The following MRTFA variants were observed in gnomAD, a reference collection of about 807,000 sequenced individuals.
MRTFA encodes myocardin related transcription factor A.
In MRTFA, 20 loss-of-function variants were observed where a neutral mutation model predicts 83.5. The observed-to-expected ratio is 0.24, with a 90% CI of 0.17 to 0.35. The LOEUF (loss-of-function observed/expected upper bound fraction) is 0.35, where lower values mean the gene tolerates loss of function less well. Among genes scored for constraint, MRTFA ranks in the 10% least tolerant of loss-of-function variants. The probability of loss-of-function intolerance (pLI) is 1.00; values close to 1 mark genes in which losing one functional copy is unlikely to be tolerated. For synonymous variants in MRTFA, 659 were observed against 541.2 expected (o/e 1.22, Z -3.02); for missense variants, 1,200 against 1,224.7 (o/e 0.98, Z 0.30).
At chr22:40,452,701 C>T (rs1245704698) in intron 4 of MRTFA, among the ~76,000 whole-genome samples, 3 of 151,206 alleles carry the variant, frequency 2.0e-5, no homozygotes, top group East Asian at 3.9e-4. Flanking sequence ...ATCCCAGCTA[C>T]CTAGGAGGCC....
intron 3 of MRTFA, chr22:40,463,513 A>G (rs1006387234): frequency 5.7e-5 from 27 of 472,874 alleles, no homozygotes; most frequent in East Asian, 1.7e-4. Context: ...TTGCAGGGCG[A>G]TAACAATCCA....
chr22:40,546,544 A>G (rs923632921), intron 3 of MRTFA, among the ~76,000 whole-genome samples: 1 of 152,244 alleles, frequency 6.6e-6, no homozygotes, highest in African/African-American at 2.4e-5. Context: ...AAAGAACACA[A>G]ATTACTGTGG....
chr22:40,508,022 A>G (rs1426836769), intron 3 of MRTFA, among the ~76,000 whole-genome samples: 1 of 150,798 alleles, frequency 6.6e-6, no homozygotes, highest in Non-Finnish European at 1.5e-5. Context: ...TATATAAAGT[A>G]CGTAGAACAG....
intron 4 of MRTFA, among the ~76,000 whole-genome samples, chr22:40,449,818 A>G (rs908114658): frequency 6.6e-6 from 1 of 152,230 alleles, no homozygotes; most frequent in African/African-American, 2.4e-5. Flanking sequence ...TGGGAGTCAG[A>G]GAATCTGGGC....
chr22:40,622,261 C>T (rs2056532226), intron 1 of MRTFA, among the ~76,000 whole-genome samples: 1 of 152,012 alleles, frequency 6.6e-6, no homozygotes, highest in South Asian at 2.1e-4. Context: ...GCAGGTAGAT[C>T]ACGAGGTCAG....
chr22:40,491,279 T>C (rs1004551543), intron 3 of MRTFA, among the ~76,000 whole-genome samples: 2 of 151,828 alleles, frequency 1.3e-5, no homozygotes, highest in African/African-American at 2.4e-5. Flanking sequence ...GAGGTGGAGG[T>C]TGCAGTGAGC....
chr22:40,513,980 G>A lies in MRTFA; in HGVS notation c.241+38126C>T, dbSNP rs111708560. 7.9e-3 allele frequency among the ~76,000 whole-genome samples: 1,202 copies of A among 151,854 alleles called. 26 individuals are homozygous for A. Among genetic ancestry groups the A allele is most frequent in the Middle Eastern group, 0.075 (22 of 292 alleles). ...TTTAAGTTAAAAAGAGGCCGGGCACGGTGGCTCACACCTGTAATCCCAACA... is the reference window on the plus strand; with the variant it reads ...TTTAAGTTAAAAAGAGGCCGGGCACAGTGGCTCACACCTGTAATCCCAACA... On this transcript the variant is annotated intron_variant, in intron 3 of 14. Coordinates refer to ENST00000355630, the MANE Select transcript of MRTFA (RefSeq NM_020831.6).
intron 2 of MRTFA, among the ~76,000 whole-genome samples, chr22:40,589,016 G>C (rs1316035145): frequency 6.6e-6 from 1 of 152,276 alleles, no homozygotes; most frequent in Non-Finnish European, 1.5e-5. Flanking sequence ...GTCTGAGGTA[G>C]AAATAATATT....
At chr22:40,536,128 CAAA>C (rs766454976) in intron 3 of MRTFA, among the ~76,000 whole-genome samples, 1 of 113,914 alleles carries the variant, frequency 8.8e-6, no homozygotes, top group African/African-American at 3.3e-5. Context: ...CCATCTCTAC[CAAA>C]AAAAAAAAAA....
chr22:40,610,983 G>C (rs1244541708), intron 1 of MRTFA, among the ~76,000 whole-genome samples: 1 of 147,358 alleles, frequency 6.8e-6, no homozygotes, highest in Non-Finnish European at 1.5e-5. Context: ...TGTTGTCCAG[G>C]CTGGCAGGCA....
Position 40,545,741 on chromosome 22 carries a change from C to CT in MRTFA, c.241+6364dup, listed in dbSNP as rs112149749. Among the ~76,000 whole-genome samples, 1,142 of 125,216 alleles carry CT rather than the reference C, an allele frequency of 9.1e-3. 27 individuals carry two copies. The Middle Eastern group carries it at 0.14, about 15-fold the overall frequency. 82.1% of individuals were successfully genotyped at this position (125,216 alleles called of 152,430 possible). On this transcript the variant is annotated intron_variant, in intron 3 of 14. Coordinates refer to ENST00000355630, the MANE Select transcript of MRTFA (RefSeq NM_020831.6). ...AGCCACCACGCCCGGCCATTTTTTT[C>CT]TTTTTTTTTGACATGGAGTCTTGCT...
chr22:40,527,949 T>C (rs1415311835), intron 3 of MRTFA, among the ~76,000 whole-genome samples: 1 of 151,856 alleles, frequency 6.6e-6, no homozygotes, highest in Non-Finnish European at 1.5e-5. Context: ...GACTGACAAA[T>C]GAATTCAAAT....
intron 4 of MRTFA, among the ~76,000 whole-genome samples, chr22:40,458,044 C>G (rs1447759194): frequency 6.6e-6 from 1 of 152,166 alleles, no homozygotes; most frequent in Non-Finnish European, 1.5e-5. Context: ...GCTTTGAGAA[C>G]AAAGTGTACC....
intron 3 of MRTFA, among the ~76,000 whole-genome samples, chr22:40,550,057 A>G (rs1019961932): frequency 1.3e-5 from 2 of 150,340 alleles, no homozygotes; most frequent in African/African-American, 4.9e-5. Context: ...GCAAAAAAAA[A>G]AAAAAAAAAA....
chr22:40,626,165 T>C lies in MRTFA; in HGVS notation c.-84+10313A>G, dbSNP rs187943336. 8.5e-4 allele frequency among the ~76,000 whole-genome samples: 129 copies of C among 152,198 alleles called. No individual in the cohort carries two copies. In the East Asian group the frequency reaches 0.023, roughly 27 times the overall value. On this transcript the variant is annotated intron_variant, in intron 1 of 14. Coordinates refer to ENST00000355630, the MANE Select transcript of MRTFA (RefSeq NM_020831.6). ...CACCCGGCTGATTTTTTTGTATTTTTAGTAGAGATGGGGTTTCGCCATCTT... is the reference window on the plus strand; with the variant it reads ...CACCCGGCTGATTTTTTTGTATTTTCAGTAGAGATGGGGTTTCGCCATCTT...
intron 3 of MRTFA, among the ~76,000 whole-genome samples, chr22:40,482,980 A>T (rs2054115797): frequency 6.6e-6 from 1 of 152,100 alleles, no homozygotes; most frequent in African/African-American, 2.4e-5. Flanking sequence ...GTGTGCCTGT[A>T]GTGTATGCCT....
At chr22:40,481,886 C>T (rs2054098281) in intron 3 of MRTFA, among the ~76,000 whole-genome samples, 1 of 152,012 alleles carries the variant, frequency 6.6e-6, no homozygotes, top group Admixed American at 6.6e-5. Context: ...CGGTGAAACC[C>T]CGTCTCTACT....
chr22:40,515,053 C>G (rs1419218043), intron 3 of MRTFA, among the ~76,000 whole-genome samples: 1 of 151,764 alleles, frequency 6.6e-6, no homozygotes, highest in Admixed American at 6.6e-5. Context: ...GGACTACAGG[C>G]AAGCAGCACC....
intron 3 of MRTFA, chr22:40,533,919 G>T: frequency 3.2e-6 from 1 of 309,090 alleles, no homozygotes; most frequent in Non-Finnish European, 5.9e-6. Flanking sequence ...CTTGCTATTC[G>T]TCTCTGGGGG....
Sources: allele counts gnomAD v4.1 joint callset (sites outside exome capture counted in the v4.1 genomes callset), GRCh38; gene constraint gnomAD v4.1.1; transcripts MANE v1.5; gene names NCBI Gene and HGNC (gene_info 2026-07-23, HGNC 2026-07-21).